ARHGAP24: variants seen among roughly 807,000 people sequenced by gnomAD.
ARHGAP24 encodes the protein rho GTPase-activating protein 24.
A neutral mutation model predicts 76.4 loss-of-function variants in ARHGAP24; 50 were observed. That is an observed-to-expected ratio of 0.65 (90% CI 0.52 to 0.83). The LOEUF is 0.83. Ranked by LOEUF, ARHGAP24 falls within the 40% of genes least tolerant of loss-of-function variation. ARHGAP24 has a pLI of 0.00. For synonymous variants in ARHGAP24, 345 were observed against 323.3 expected (o/e 1.07, Z -0.72); for missense variants, 930 against 914.2 (o/e 1.02, Z -0.22).
chr4:85,837,251 C>A (rs1023855989), intron 3 of ARHGAP24, among the ~76,000 whole-genome samples: 2 of 152,134 alleles, frequency 1.3e-5, no homozygotes, highest in African/African-American at 4.8e-5. Context: ...TTTCTGCCAA[C>A]CTGCTCTATA....
intron 3 of ARHGAP24, among the ~76,000 whole-genome samples, chr4:85,789,296 T>C (rs1728006402): frequency 6.7e-6 from 1 of 149,194 alleles, no homozygotes; most frequent in Admixed American, 6.7e-5. Flanking sequence ...AAGAGATGCA[T>C]GCCCATAAAT....
intron 2 of ARHGAP24, among the ~76,000 whole-genome samples, chr4:85,691,017 G>A (rs905886560): frequency 2.6e-5 from 4 of 151,936 alleles, no homozygotes; most frequent in Non-Finnish European, 4.4e-5. Context: ...TGCTTTCATC[G>A]CATCCCAGAG....
intron 8 of ARHGAP24, 31 bp downstream of exon 8, chr4:85,977,722 A>G (rs753364742): frequency 2.8e-5 from 45 of 1,610,122 alleles, no homozygotes; most frequent in Non-Finnish European, 3.6e-5. Flanking sequence ...TACCCTTATC[A>G]AAAGAAGAAG....
intron 2 of ARHGAP24, among the ~76,000 whole-genome samples, chr4:85,580,486 A>T (rs1727562668): frequency 6.6e-6 from 1 of 152,030 alleles, no homozygotes; most frequent in Non-Finnish European, 1.5e-5. Context: ...TCACCTGGGG[A>T]CCCACTTTTC....
chr4:85,606,515 A>G (rs1720201985), intron 2 of ARHGAP24, among the ~76,000 whole-genome samples: 1 of 149,520 alleles, frequency 6.7e-6, no homozygotes, highest in African/African-American at 2.4e-5. Flanking sequence ...TCCATTTCAA[A>G]AAAAAAAAAG....
intron 2 of ARHGAP24, among the ~76,000 whole-genome samples, chr4:85,677,476 T>A (rs1723024880): frequency 6.6e-6 from 1 of 152,220 alleles, no homozygotes; most frequent in Admixed American, 6.5e-5. Context: ...CCTTTGGACC[T>A]GGCAGACCAC....
chr4:85,580,731 G>A (rs1397894052), intron 2 of ARHGAP24, among the ~76,000 whole-genome samples: 4 of 152,134 alleles, frequency 2.6e-5, no homozygotes, highest in Non-Finnish European at 5.9e-5. Context: ...CTTGACTCAA[G>A]GGAGTTATGG....
At chr4:85,717,250 G>T (rs1038315467) in intron 2 of ARHGAP24, among the ~76,000 whole-genome samples, 5 of 152,054 alleles carry the variant, frequency 3.3e-5, no homozygotes, top group Non-Finnish European at 7.4e-5. Context: ...TTCCTTCTTT[G>T]TTTCCTGTTT....
chr4:85,801,901 T>C (rs1728594798), intron 3 of ARHGAP24, among the ~76,000 whole-genome samples: 1 of 152,384 alleles, frequency 6.6e-6, no homozygotes. Context: ...GCACCATTTT[T>C]ATTTGGGCTG....
chr4:85,864,889 TA>T (rs1237219686), intron 3 of ARHGAP24, among the ~76,000 whole-genome samples: 12 of 152,256 alleles, frequency 7.9e-5, no homozygotes, highest in Middle Eastern at 3.4e-3. Flanking sequence ...TAAAATGTCT[TA>T]AAAATAAATA....
At chr4:85,773,589 C>T (rs1345508110) in intron 3 of ARHGAP24, among the ~76,000 whole-genome samples, 2 of 152,180 alleles carry the variant, frequency 1.3e-5, no homozygotes, top group Admixed American at 6.5e-5. Flanking sequence ...TCCATGCTCT[C>T]CTGTAAAGCA....
intron 2 of ARHGAP24, among the ~76,000 whole-genome samples, chr4:85,612,363 C>T (rs973422841): frequency 2.2e-5 from 2 of 91,808 alleles, no homozygotes; most frequent in East Asian, 6.8e-3. Flanking sequence ...GCAGAGCTGG[C>T]AGTGAGCCGA....
At chr4:85,762,317 A>C (rs1285531637) in intron 3 of ARHGAP24, among the ~76,000 whole-genome samples, 1 of 152,166 alleles carries the variant, frequency 6.6e-6, no homozygotes, top group Non-Finnish European at 1.5e-5. Context: ...CTCTGTAAGC[A>C]TTTGGCTCAT....
At position 85,475,308 on chromosome 4, in the gene ARHGAP24, G is replaced by C. The variant is rs1411774605; in HGVS notation, c.-272G>C. The C allele has an allele frequency of 2.0e-5, 3 of 152,418 alleles. No homozygotes were observed. Among genetic ancestry groups the C allele is most frequent in the East Asian group, 1.9e-4 (1 of 5,142 alleles). 9.4% of individuals were successfully genotyped at this position (152,418 alleles called of 1,614,324 possible). ...GCGGGGACCAGAGAGGAGCCTGGCG[G>C]GGGTGGCTGGGTGGCTGGGGGAATC... On this transcript the variant is annotated 5_prime_UTR_variant, in exon 1 of 10. Transcript: ENST00000395184.
intron 5 of ARHGAP24, among the ~76,000 whole-genome samples, chr4:85,959,194 AC>A (rs1263273680): frequency 2.6e-5 from 4 of 152,308 alleles, no homozygotes; most frequent in Admixed American, 6.5e-5. Flanking sequence ...CCCTTTTTAG[AC>A]CATATAGGGT....
intron 2 of ARHGAP24, among the ~76,000 whole-genome samples, chr4:85,584,100 C>A (rs1390248148): frequency 6.6e-6 from 1 of 150,466 alleles, no homozygotes; most frequent in Non-Finnish European, 1.5e-5. Flanking sequence ...GGGTATATAC[C>A]CAAAGGACTA....
intron 3 of ARHGAP24, among the ~76,000 whole-genome samples, chr4:85,799,492 A>C (rs543634309): frequency 1.3e-5 from 2 of 152,324 alleles, no homozygotes; most frequent in South Asian, 4.1e-4. Flanking sequence ...AAATTACTGA[A>C]AAATTTTAAA....
At chr4:85,881,026 G>A (rs1733222815) in intron 3 of ARHGAP24, among the ~76,000 whole-genome samples, 1 of 152,078 alleles carries the variant, frequency 6.6e-6, no homozygotes, top group Admixed American at 6.5e-5. Context: ...TGGCATATCC[G>A]AATTGCCACC....
chr4:85,506,297 T>A (rs1724045496), intron 1 of ARHGAP24, among the ~76,000 whole-genome samples: 2 of 152,202 alleles, frequency 1.3e-5, no homozygotes, highest in African/African-American at 4.8e-5. Context: ...CAGGGACGTT[T>A]AAATTTGCAG....
Sources: allele counts gnomAD v4.1 joint callset (sites outside exome capture counted in the v4.1 genomes callset), GRCh38; gene constraint gnomAD v4.1.1; transcripts MANE v1.5; gene names NCBI Gene and HGNC (gene_info 2026-07-23, HGNC 2026-07-21).